Variants in PLCB1 observed in about 807,000 individuals in gnomAD.
PLCB1 encodes the protein phospholipase C beta 1.
Under a neutral mutation model 161.8 loss-of-function variants are expected in PLCB1, and 46 were observed. That is an observed-to-expected ratio of 0.28 (90% CI 0.22 to 0.36). The LOEUF is 0.36. Among genes scored for constraint, PLCB1 ranks in the 10% least tolerant of loss-of-function variants. The probability of loss-of-function intolerance (pLI) is 1.00; values close to 1 mark genes in which losing one functional copy is unlikely to be tolerated. For missense variants in PLCB1, 1,016 were observed against 1,472.5 expected, an observed-to-expected ratio of 0.69 and a Z score of 5.07; for synonymous variants, 517 against 503.7, an observed-to-expected ratio of 1.03 and a Z score of -0.35.
chr20:8,819,889 A>G (rs1281029752), intron 31 of PLCB1, among the ~76,000 whole-genome samples: 1 of 151,970 alleles, frequency 6.6e-6, no homozygotes, highest in East Asian at 1.9e-4. Context: ...GGTCCCTCAT[A>G]TTCCTAAACA....
intron 2 of PLCB1, among the ~76,000 whole-genome samples, chr20:8,357,584 A>C (rs1280481711): frequency 6.6e-6 from 1 of 152,210 alleles, no homozygotes; most frequent in South Asian, 2.1e-4. Context: ...GGGGGGGCCG[A>C]GCGAGGAGGA....
intron 5 of PLCB1, among the ~76,000 whole-genome samples, chr20:8,646,676 G>A (rs1989180021): frequency 6.6e-6 from 1 of 152,140 alleles, no homozygotes; most frequent in Non-Finnish European, 1.5e-5. Flanking sequence ...GCAAGTATTA[G>A]TAAGAAAAGA....
At chr20:8,205,976 A>G (rs1342636663) in intron 2 of PLCB1, among the ~76,000 whole-genome samples, 1 of 150,816 alleles carries the variant, frequency 6.6e-6, no homozygotes, top group Non-Finnish European at 1.5e-5. Context: ...CAGTGTATGA[A>G]TAAATTATAG....
At chr20:8,187,062 A>G (rs2051913601) in intron 2 of PLCB1, among the ~76,000 whole-genome samples, 1 of 152,228 alleles carries the variant, frequency 6.6e-6, no homozygotes, top group South Asian at 2.1e-4. Context: ...ACATCTTTCT[A>G]AAGCTTATAT....
chr20:8,337,557 G>A (rs2122212882), intron 2 of PLCB1, among the ~76,000 whole-genome samples: 1 of 152,234 alleles, frequency 6.6e-6, no homozygotes, highest in African/African-American at 2.4e-5. Context: ...TAGACATATG[G>A]AAAATGTTGG....
At chr20:8,286,295 G>C (rs780830390) in intron 2 of PLCB1, among the ~76,000 whole-genome samples, 13 of 152,198 alleles carry the variant, frequency 8.5e-5, no homozygotes, top group Non-Finnish European at 1.9e-4. Flanking sequence ...CTGCACTCCA[G>C]TCTGGGTGAC....
chr20:8,485,955 T>C (rs1342214687), intron 3 of PLCB1, among the ~76,000 whole-genome samples: 3 of 151,932 alleles, frequency 2.0e-5, no homozygotes, highest in Non-Finnish European at 4.4e-5. Context: ...TGACTCACAG[T>C]TCCACAGGGC....
chr20:8,406,249 A>G (rs1978782338), intron 3 of PLCB1, among the ~76,000 whole-genome samples: 1 of 152,230 alleles, frequency 6.6e-6, no homozygotes, highest in Non-Finnish European at 1.5e-5. Context: ...AGTAATGACC[A>G]TAGTGATAAA....
At chr20:8,596,908 G>A (rs1424289633) in intron 3 of PLCB1, among the ~76,000 whole-genome samples, 31 of 152,394 alleles carry the variant, frequency 2.0e-4, no homozygotes, top group African/African-American at 7.5e-4. Context: ...CTGTTTGTCT[G>A]TTGTTGGTGT....
At chr20:8,550,774 A>G (rs774304768) in intron 3 of PLCB1, among the ~76,000 whole-genome samples, 8 of 152,206 alleles carry the variant, frequency 5.3e-5, no homozygotes, top group Non-Finnish European at 1.0e-4. Flanking sequence ...TTCACCATGT[A>G]TAATGAATTA....
intron 4 of PLCB1, among the ~76,000 whole-genome samples, chr20:8,632,349 C>T (rs934489249): frequency 4.6e-5 from 7 of 152,040 alleles, no homozygotes; most frequent in African/African-American, 1.7e-4. Flanking sequence ...AACTTGGATT[C>T]GTTCACTCAT....
intron 2 of PLCB1, among the ~76,000 whole-genome samples, chr20:8,355,861 A>G (rs1016933260): frequency 5.9e-5 from 9 of 152,216 alleles, no homozygotes; most frequent in African/African-American, 2.2e-4. Flanking sequence ...AAAAGTATTT[A>G]TAAAGCATTC....
intron 3 of PLCB1, among the ~76,000 whole-genome samples, chr20:8,467,671 A>G (rs1981878272): frequency 6.6e-6 from 1 of 152,110 alleles, no homozygotes; most frequent in Non-Finnish European, 1.5e-5. Context: ...TCTGTACTTT[A>G]TTTCTATAAT....
chr20:8,698,317 G>A (rs960755469), intron 11 of PLCB1, among the ~76,000 whole-genome samples: 4 of 152,042 alleles, frequency 2.6e-5, no homozygotes, highest in Admixed American at 6.5e-5. Flanking sequence ...TTTATATGCA[G>A]CCCTAAATGA....
intron 12 of PLCB1, among the ~76,000 whole-genome samples, chr20:8,714,945 A>G (rs1408908550): frequency 4.1e-5 from 5 of 122,882 alleles, no homozygotes; most frequent in African/African-American, 1.3e-4. Flanking sequence ...TAACCCCAGT[A>G]AAAAAAAAAA....
rs1392198138 is a variant in PLCB1 at position 8,761,132 on chromosome 20, GAATA to G, written c.2710+679_2710+682del. On this transcript the variant is annotated intron_variant, in intron 25 of 31. Transcript: ENST00000338037. ...AGCATGGAACAGGAGGCAACTGCAGGAATAAATAAACTCAAGTCACACACAACAT... is the reference window on the plus strand; with the variant it reads ...AGCATGGAACAGGAGGCAACTGCAGGAATAAACTCAAGTCACACACAACAT... Among the ~76,000 whole-genome samples the G allele has an allele frequency of 3.3e-5, 5 of 152,226 alleles. No individual in the cohort carries two copies. The East Asian group carries it at 9.7e-4, about 29-fold the overall frequency.
intron 3 of PLCB1, among the ~76,000 whole-genome samples, chr20:8,530,164 T>G (rs902888254): frequency 1.3e-5 from 2 of 152,154 alleles, no homozygotes; most frequent in Admixed American, 1.3e-4. Flanking sequence ...TCTTTTCAAG[T>G]GTTCTGCACA....
At chr20:8,538,282 T>A (rs956321188) in intron 3 of PLCB1, among the ~76,000 whole-genome samples, 5 of 152,220 alleles carry the variant, frequency 3.3e-5, no homozygotes, top group Admixed American at 6.5e-5. Flanking sequence ...TAGAAGCATG[T>A]CAGTAGGCCA....
At chr20:8,629,998 CTTTCTTTCTTTCTCTTTCTTCTTTCCT>C (rs1568536358) in intron 4 of PLCB1, among the ~76,000 whole-genome samples, 7 of 57,074 alleles carry the variant, frequency 1.2e-4, no homozygotes, top group Non-Finnish European at 1.4e-4. Context: ...TTCTTTCTTT[CTTTCTTTCTTTCTCTTTCTTCTTTCCT>C]TTCTTTCCTC....
Sources: gnomAD v4.1 joint callset for allele counts (sites outside exome capture counted in the v4.1 genomes callset) on GRCh38, gnomAD v4.1.1 for gene constraint, MANE v1.5 for transcripts, NCBI Gene and HGNC (gene_info 2026-07-23, HGNC 2026-07-21) for gene names.